ARHGAP29: variants seen among roughly 807,000 people sequenced by gnomAD.
The protein encoded by ARHGAP29 is Rho GTPase activating protein 29, also known as rho GTPase-activating protein 29.
In ARHGAP29, 43 loss-of-function variants were observed where a neutral mutation model predicts 122.6. The ratio of observed to expected loss-of-function variants is 0.35; its 90% CI spans 0.27 to 0.45. The LOEUF (loss-of-function observed/expected upper bound fraction) is 0.45. Among genes scored for constraint, ARHGAP29 ranks in the 20% least tolerant of loss-of-function variants. ARHGAP29 has a pLI of 1.00. For missense variants in ARHGAP29, 1,303 were observed against 1,477.2 expected, an observed-to-expected ratio of 0.88 and a Z score of 1.93; for synonymous variants, 506 against 497.1, an observed-to-expected ratio of 1.02 and a Z score of -0.24.
At chr1:94,215,839 C>T in intron 3 of ARHGAP29, among the ~76,000 whole-genome samples, 1 of 152,188 alleles carries the variant, frequency 6.6e-6, no homozygotes, top group East Asian at 1.9e-4. Context: ...TTTACTTATA[C>T]AGAGTTTCTA....
chr1:94,184,169 C>T lies in ARHGAP29; in HGVS notation c.2229G>A (p.Leu743=). ...EFSSHDICDV[L]KLYLRQLPEP... The stretch of plus-strand genomic sequence containing the variant: ...TTTTTACCTGCCGAAGGTATAATTT[C>T]AAGACGTCACAGATATCATGTGAAC... Residue 743 remains leucine, a synonymous_variant, in exon 19 of 23, where the codon TTG becomes TTA. Transcript: ENST00000260526. The T allele has an allele frequency of 6.2e-7, 1 of 1,606,812 alleles. No individual in the cohort carries two copies. The highest frequency in any genetic ancestry group is 8.5e-7 in the Non-Finnish European group (1 of 1,178,014).
upstream of ARHGAP29, among the ~76,000 whole-genome samples, chr1:94,275,579 A>G (rs1242399894): frequency 1.3e-5 from 2 of 152,200 alleles, no homozygotes; most frequent in African/African-American, 2.4e-5. Flanking sequence ...CTAGCAAAAC[A>G]CAGGAGAATT....
intron 12 of ARHGAP29, among the ~76,000 whole-genome samples, chr1:94,200,429 C>G (rs1358980414): frequency 6.6e-6 from 1 of 152,178 alleles, no homozygotes; most frequent in Non-Finnish European, 1.5e-5. Context: ...AACCAAAACT[C>G]TCATACACTG....
chr1:94,286,659 C>A, the ARHGAP29 span, among the ~76,000 whole-genome samples: 3 of 151,948 alleles, frequency 2.0e-5, no homozygotes, highest in Non-Finnish European at 2.9e-5. Context: ...CAGAGTGAGA[C>A]CCTGTCTCAA....
intron 2 of ARHGAP29, among the ~76,000 whole-genome samples, chr1:94,226,580 C>A (rs1399311857): frequency 1.3e-5 from 2 of 151,702 alleles, no homozygotes; most frequent in Non-Finnish European, 3.0e-5. Flanking sequence ...AAGTACTCTG[C>A]GATCTGCAAT....
chr1:94,295,266 G>T, the ARHGAP29 span, among the ~76,000 whole-genome samples: 1 of 152,180 alleles, frequency 6.6e-6, no homozygotes, highest in Non-Finnish European at 1.5e-5. Context: ...TGCCAAGTGG[G>T]TATATAGAAG....
intron 19 of ARHGAP29, among the ~76,000 whole-genome samples, chr1:94,180,698 G>A (rs1649399631): frequency 6.6e-6 from 1 of 152,172 alleles, no homozygotes; most frequent in Non-Finnish European, 1.5e-5. Context: ...GGATCTGAAG[G>A]AAGTCACTTA....
chr1:94,275,869 C>T (rs1309528033), upstream of ARHGAP29, among the ~76,000 whole-genome samples: 1 of 151,742 alleles, frequency 6.6e-6, no homozygotes, highest in African/African-American at 2.4e-5. Context: ...TTTGTTACTC[C>T]AAAGACCTAG....
chr1:94,196,510 C>G (rs1426385016), intron 12 of ARHGAP29, among the ~76,000 whole-genome samples: 1 of 151,850 alleles, frequency 6.6e-6, no homozygotes, highest in African/African-American at 2.4e-5. Context: ...ATCCGCCCGC[C>G]TCGGCCTCCC....
rs577992412 is a variant in ARHGAP29 at position 94,182,146 on chromosome 1, G to A, written c.2247+2005C>T. ...CTCAGATATGGCAGTCATTAAAAAA[G>A]GAAGAAAGCTGCAAAAAGAACAAAA... On this transcript the variant is annotated intron_variant, in intron 19 of 22. Coordinates refer to ENST00000260526, the MANE Select transcript of ARHGAP29 (RefSeq NM_004815.4). Among the ~76,000 whole-genome samples the A allele has an allele frequency of 1.9e-3, 290 of 151,312 alleles. 2 individuals are homozygous for A. The highest frequency in any genetic ancestry group is 6.7e-3 in the African/African-American group (278 of 41,232).
chr1:94,257,627 T>G (rs1654411526), intron 1 of ARHGAP29, among the ~76,000 whole-genome samples: 1 of 152,094 alleles, frequency 6.6e-6, no homozygotes, highest in African/African-American at 2.4e-5. Context: ...GGAGGATTGT[T>G]TGGCTTGGGA....
chr1:94,220,348 G>A lies in ARHGAP29; in HGVS notation c.250C>T (p.Arg84Cys), dbSNP rs374838820. The change falls in exon 3 of 23, where the codon CGT becomes TGT. Residue 84 changes from arginine to cysteine, a missense_variant. Physicochemically the swap from Arg to Cys is radical, Grantham distance 180 (BLOSUM62 -3). Transcript: ENST00000260526. The stretch of plus-strand genomic sequence containing the variant: ...TTATTCATTATAGACTTTAAAACAC[G>A]GAGCAGTTCCTCTAGACGTATATGA... ...VIHIRLEELLRVLKSIMNKHQ... is the reference protein window; with the variant it reads ...VIHIRLEELLCVLKSIMNKHQ... The A allele has an allele frequency of 1.7e-4, 266 of 1,610,962 alleles. No homozygotes were observed. The highest frequency in any genetic ancestry group is 2.1e-4 in the Non-Finnish European group (251 of 1,177,726).
At chr1:94,222,757 T>C (rs1652377710) in intron 2 of ARHGAP29, among the ~76,000 whole-genome samples, 1 of 152,204 alleles carries the variant, frequency 6.6e-6, no homozygotes, top group African/African-American at 2.4e-5. Context: ...AAACACTGGC[T>C]CACTAACTCT....
At chr1:94,210,224 C>A (rs1032603388) in intron 3 of ARHGAP29, among the ~76,000 whole-genome samples, 5 of 152,026 alleles carry the variant, frequency 3.3e-5, no homozygotes, top group Admixed American at 3.3e-4. Flanking sequence ...AATATTCTCA[C>A]CAATAAAGGG....
At chr1:94,191,952 C>G (rs924773361) in intron 12 of ARHGAP29, 1 of 152,064 alleles carries the variant, frequency 6.6e-6, no homozygotes, top group Non-Finnish European at 1.5e-5. Flanking sequence ...CTGGCAGGTA[C>G]GTAGTCAATC....
At chr1:94,262,645 A>G (rs1227077626) in intron 1 of ARHGAP29, among the ~76,000 whole-genome samples, 2 of 152,246 alleles carry the variant, frequency 1.3e-5, no homozygotes, top group African/African-American at 4.8e-5. Flanking sequence ...AAGTATATGA[A>G]AAAAAGCTTA....
At chr1:94,247,679 G>A (rs1319980296) in intron 1 of ARHGAP29, among the ~76,000 whole-genome samples, 4 of 151,544 alleles carry the variant, frequency 2.6e-5, no homozygotes, top group Non-Finnish European at 5.9e-5. Context: ...CAGACGCCCG[G>A]CCAAGTGGCA....
intron 1 of ARHGAP29, among the ~76,000 whole-genome samples, chr1:94,246,448 A>G (rs970299631): frequency 1.3e-5 from 2 of 152,228 alleles, no homozygotes; most frequent in African/African-American, 4.8e-5. Context: ...AAAAAGGTAA[A>G]TGTAGAACAA....
chr1:94,190,192 T>C (rs1650053581), intron 12 of ARHGAP29, 109 bp from the exon 13 acceptor site: 6 of 1,129,622 alleles, frequency 5.3e-6, no homozygotes, highest in African/African-American at 1.6e-5. Flanking sequence ...CAGTGAAGCA[T>C]ACAACACTGA....
Sources: gnomAD v4.1 joint callset for allele counts (sites outside exome capture counted in the v4.1 genomes callset) on GRCh38, gnomAD v4.1.1 for gene constraint, MANE v1.5 for transcripts, NCBI Gene and HGNC (gene_info 2026-07-23, HGNC 2026-07-21) for gene names.